DDX10: variants seen among roughly 807,000 people sequenced by gnomAD.
The protein encoded by DDX10 is probable ATP-dependent RNA helicase DDX10.
In DDX10, 74 loss-of-function variants were observed where a neutral mutation model predicts 104.3. The observed-to-expected ratio is 0.71, with a 90% CI of 0.59 to 0.86. DDX10 has a LOEUF of 0.86. DDX10 is among the 40% of genes least tolerant of loss of function. DDX10 has a pLI of 0.00. For missense variants in DDX10, 952 were observed against 1,040.0 expected, an observed-to-expected ratio of 0.92 and a Z score of 1.16; for synonymous variants, 351 against 353.4, an observed-to-expected ratio of 0.99 and a Z score of 0.08.
intron 8 of DDX10, among the ~76,000 whole-genome samples, chr11:108,693,311 G>A (rs554392120): frequency 6.6e-6 from 1 of 152,298 alleles, no homozygotes; most frequent in South Asian, 2.1e-4. Context: ...TATTCAAACA[G>A]TCATTAATTT....
At chr11:108,871,952 T>C (rs1177947724) in intron 16 of DDX10, among the ~76,000 whole-genome samples, 1 of 151,832 alleles carries the variant, frequency 6.6e-6, no homozygotes, top group Non-Finnish European at 1.5e-5. Context: ...TAAGCTTTGA[T>C]AGGGTGAATG....
intron 13 of DDX10, among the ~76,000 whole-genome samples, chr11:108,787,056 C>T (rs1861804223): frequency 6.6e-6 from 1 of 152,198 alleles, no homozygotes; most frequent in Non-Finnish European, 1.5e-5. Context: ...AATTCCCTCA[C>T]TGCTTACCTG....
At chr11:108,694,913 C>A (rs2094257676) in intron 9 of DDX10, among the ~76,000 whole-genome samples, 1 of 151,554 alleles carries the variant, frequency 6.6e-6, no homozygotes, top group Non-Finnish European at 1.5e-5. Context: ...TAAAAAAAAA[C>A]CATAGTAAAG....
intron 10 of DDX10, among the ~76,000 whole-genome samples, chr11:108,712,391 C>G (rs1389894648): frequency 6.6e-6 from 1 of 151,924 alleles, no homozygotes; most frequent in Non-Finnish European, 1.5e-5. Context: ...TCCTCTCTTT[C>G]AGCCTCTTGT....
chr11:108,700,044 T>C (rs12574567), intron 9 of DDX10, among the ~76,000 whole-genome samples: 17,377 of 152,140 alleles, frequency 0.11, 1,081 homozygotes, highest in East Asian at 0.25. Flanking sequence ...ATTAAAAGCC[T>C]CTCATAGGTG....
intron 16 of DDX10, among the ~76,000 whole-genome samples, chr11:108,916,585 A>T (rs1294959597): frequency 2.0e-5 from 3 of 152,362 alleles, no homozygotes; most frequent in Admixed American, 2.0e-4. Context: ...GGGAACGAGC[A>T]TTAATCATTT....
At chr11:108,885,777 T>C (rs1447867864) in intron 16 of DDX10, among the ~76,000 whole-genome samples, 1 of 152,144 alleles carries the variant, frequency 6.6e-6, no homozygotes, top group Non-Finnish European at 1.5e-5. Context: ...TTTAATTGAG[T>C]TAAAACTAAC....
chr11:108,668,564 G>C (rs1281375027), intron 1 of DDX10, among the ~76,000 whole-genome samples: 2 of 152,174 alleles, frequency 1.3e-5, no homozygotes, highest in African/African-American at 4.8e-5. Context: ...TCACTATGTG[G>C]CTCCTCAGGT....
At chr11:108,812,222 G>T (rs1862192449) in intron 13 of DDX10, among the ~76,000 whole-genome samples, 1 of 152,052 alleles carries the variant, frequency 6.6e-6, no homozygotes, top group Non-Finnish European at 1.5e-5. Flanking sequence ...AGACATTTTT[G>T]GAAAATCTAG....
Position 108,916,091 on chromosome 11 carries a change from CCCCATGTTAACAAA to C in DDX10, c.2305-1781_2305-1768del, listed in dbSNP as rs1248992488. Reference sequence around the variant, plus strand: ...AATACAGTAAATGTCAGTAGATCTTCCCCATGTTAACAAAAGCTCTTTGGCATCCTCCATTCTTT... The same window carrying C: ...AATACAGTAAATGTCAGTAGATCTTCAGCTCTTTGGCATCCTCCATTCTTT... On this transcript the variant is annotated intron_variant, in intron 16 of 17. Transcript: ENST00000322536. 1.5e-4 allele frequency among the ~76,000 whole-genome samples: 22 copies of C among 151,652 alleles called. No individual in the cohort carries two copies. The East Asian group carries it at 4.3e-3, about 29-fold the overall frequency.
intron 16 of DDX10, among the ~76,000 whole-genome samples, chr11:108,874,175 G>A (rs1280843113): frequency 2.0e-5 from 3 of 151,996 alleles, no homozygotes; most frequent in African/African-American, 4.8e-5. Context: ...CTGGACTTAC[G>A]GGAAAAAAAA....
chr11:108,754,687 C>G (rs1023993803), intron 13 of DDX10, among the ~76,000 whole-genome samples: 16 of 151,934 alleles, frequency 1.1e-4, no homozygotes, highest in African/African-American at 3.6e-4. Context: ...TCAAGACACA[C>G]TGTACATCTA....
intron 17 of DDX10, among the ~76,000 whole-genome samples, chr11:108,930,895 G>T (rs1410984347): frequency 2.0e-5 from 3 of 152,174 alleles, no homozygotes; most frequent in Non-Finnish European, 2.9e-5. Flanking sequence ...CTCTCAAAGT[G>T]AAGGTTCTTA....
chr11:108,713,949 G>C (rs2094287967), intron 10 of DDX10, among the ~76,000 whole-genome samples: 1 of 152,124 alleles, frequency 6.6e-6, no homozygotes, highest in Non-Finnish European at 1.5e-5. Context: ...GGAAAGGATG[G>C]CTAGAGTTGG....
intron 12 of DDX10, among the ~76,000 whole-genome samples, chr11:108,721,507 G>A (rs374166806): frequency 1.3e-5 from 2 of 152,228 alleles, no homozygotes; most frequent in East Asian, 3.9e-4. Flanking sequence ...CATATTTAGG[G>A]GACCATTTGT....
At chr11:108,922,520 C>T (rs1007601328) in intron 17 of DDX10, among the ~76,000 whole-genome samples, 3 of 152,192 alleles carry the variant, frequency 2.0e-5, no homozygotes, top group African/African-American at 7.2e-5. Flanking sequence ...CAATGGAGAG[C>T]CAGATTTAGT....
At chr11:108,811,257 T>C (rs1256905026) in intron 13 of DDX10, among the ~76,000 whole-genome samples, 1 of 152,180 alleles carries the variant, frequency 6.6e-6, no homozygotes, top group Non-Finnish European at 1.5e-5. Flanking sequence ...GTATAAAAAT[T>C]AGGAAATGTG....
chr11:108,868,546 A>G (rs1323194887), intron 16 of DDX10, among the ~76,000 whole-genome samples: 1 of 152,070 alleles, frequency 6.6e-6, no homozygotes, highest in Admixed American at 6.5e-5. Flanking sequence ...TTATAAAATG[A>G]TGGTCACAAT....
At chr11:108,861,586 G>A (rs949628119) in intron 16 of DDX10, among the ~76,000 whole-genome samples, 1 of 152,062 alleles carries the variant, frequency 6.6e-6, no homozygotes, top group African/African-American at 2.4e-5. Context: ...AGGTTTTTTT[G>A]TAAAAGCAAA....
Sources: gnomAD v4.1 joint callset for allele counts (sites outside exome capture counted in the v4.1 genomes callset) on GRCh38, gnomAD v4.1.1 for gene constraint, MANE v1.5 for transcripts, NCBI Gene and HGNC (gene_info 2026-07-23, HGNC 2026-07-21) for gene names.